HTR4: variants seen among roughly 807,000 people sequenced by gnomAD.
HTR4 encodes 5-hydroxytryptamine (serotonin) receptor 4, G protein-coupled.
In HTR4, 16 loss-of-function variants were observed where a neutral mutation model predicts 36.8. That is an observed-to-expected ratio of 0.43 (90% CI 0.29 to 0.66). The LOEUF is 0.66. Among genes scored for constraint, HTR4 ranks in the 30% least tolerant of loss-of-function variants. The pLI is 0.13. For missense variants in HTR4, 438 were observed against 490.9 expected, an observed-to-expected ratio of 0.89 and a Z score of 1.02; for synonymous variants, 189 against 185.1, an observed-to-expected ratio of 1.02 and a Z score of -0.17.
At chr5:148,617,186 G>C (rs1461550970) in intron 2 of HTR4, among the ~76,000 whole-genome samples, 1 of 152,170 alleles carries the variant, frequency 6.6e-6, no homozygotes, top group East Asian at 1.9e-4. Flanking sequence ...AATAGTGAGT[G>C]ATTTCTCACG....
chr5:148,502,590 C>T (rs964004150), intron 6 of HTR4, among the ~76,000 whole-genome samples: 1 of 152,148 alleles, frequency 6.6e-6, no homozygotes, highest in Non-Finnish European at 1.5e-5. Flanking sequence ...ATCAGAGCAC[C>T]TCTCCCCCTA....
chr5:148,646,432 A>G (rs1322225114), intron 1 of HTR4: 1 of 152,242 alleles, frequency 6.6e-6, no homozygotes, highest in Non-Finnish European at 1.5e-5. Context: ...CATTTCAGAT[A>G]TCATGTGCTA....
chr5:148,608,462 G>C (rs1380603201), intron 2 of HTR4, among the ~76,000 whole-genome samples: 2 of 152,118 alleles, frequency 1.3e-5, no homozygotes, highest in African/African-American at 2.4e-5. Context: ...TCAGTAGCAA[G>C]AGAATGCCAT....
intron 2 of HTR4, among the ~76,000 whole-genome samples, chr5:148,586,629 T>C (rs1387209565): frequency 2.0e-5 from 3 of 152,024 alleles, no homozygotes; most frequent in Non-Finnish European, 4.4e-5. Flanking sequence ...TCCCTCGACA[T>C]GTGGGGGTTA....
intron 2 of HTR4, among the ~76,000 whole-genome samples, chr5:148,636,628 GCAA>G (rs1196971266): frequency 6.6e-6 from 1 of 152,084 alleles, no homozygotes; most frequent in African/African-American, 2.4e-5. Flanking sequence ...GCTATAAAAA[GCAA>G]CGTGAATTTG....
chr5:148,610,500 G>A (rs1181259906), intron 2 of HTR4, among the ~76,000 whole-genome samples: 2 of 151,964 alleles, frequency 1.3e-5, no homozygotes, highest in African/African-American at 4.8e-5. Flanking sequence ...CAAACAGAAA[G>A]GACATCCACA....
chr5:148,460,643 C>T (rs890913700), intron 5 of HTR4, among the ~76,000 whole-genome samples: 8 of 152,058 alleles, frequency 5.3e-5, no homozygotes, highest in African/African-American at 1.9e-4. Flanking sequence ...AAAAAATCTT[C>T]ACAGACATTA....
chr5:148,633,982 C>T (rs915542721), intron 2 of HTR4, among the ~76,000 whole-genome samples: 4 of 152,114 alleles, frequency 2.6e-5, no homozygotes, highest in African/African-American at 7.2e-5. Context: ...GTCAAGGATG[C>T]TGACAGACAC....
chr5:148,520,968 A>C, intron 5 of HTR4: 1 of 1,367,776 alleles, frequency 7.3e-7, no homozygotes, highest in Non-Finnish European at 9.8e-7. Flanking sequence ...CCTTTCCTTG[A>C]AAAAGAACAA....
At chr5:148,518,590 G>A (rs1367244638) in intron 5 of HTR4, among the ~76,000 whole-genome samples, 3 of 151,954 alleles carry the variant, frequency 2.0e-5, no homozygotes, top group African/African-American at 4.8e-5. Context: ...AAAACATAGG[G>A]CAAATAATGT....
At chr5:148,563,936 A>AC (rs1561621953) in intron 2 of HTR4, among the ~76,000 whole-genome samples, 6,097 of 152,088 alleles carry the variant, frequency 0.04, 375 homozygotes, top group African/African-American at 0.14. Flanking sequence ...GACTGACTGA[A>AC]TGAATGAATG....
At chr5:148,611,973 G>T (rs1752452598) in intron 2 of HTR4, among the ~76,000 whole-genome samples, 1 of 152,114 alleles carries the variant, frequency 6.6e-6, no homozygotes. Context: ...AACAAGAAGA[G>T]CTAACTATTC....
intron 1 of HTR4, among the ~76,000 whole-genome samples, chr5:148,648,305 C>A (rs948006326): frequency 1.3e-5 from 2 of 151,888 alleles, no homozygotes; most frequent in Admixed American, 1.3e-4. Context: ...AGATGGGATA[C>A]AATCTGTGAG....
downstream of HTR4, among the ~76,000 whole-genome samples, chr5:148,477,972 T>C (rs1350002054): frequency 6.6e-6 from 1 of 152,210 alleles, no homozygotes; most frequent in Non-Finnish European, 1.5e-5. Context: ...CCCTTGCCCA[T>C]CTCTATTTTT....
At chr5:148,469,944 T>G (rs1755522724) in intron 5 of HTR4, among the ~76,000 whole-genome samples, 1 of 152,226 alleles carries the variant, frequency 6.6e-6, no homozygotes, top group Non-Finnish European at 1.5e-5. Flanking sequence ...AAGCTTCATT[T>G]TCTCATGTAT....
chr5:148,613,004 C>A (rs1228122146), intron 2 of HTR4, among the ~76,000 whole-genome samples: 2 of 144,584 alleles, frequency 1.4e-5, no homozygotes, highest in East Asian at 4.2e-4. Flanking sequence ...TCTGAATAGA[C>A]CAATAACAGG....
chr5:148,581,906 A>G (rs1422479329), intron 2 of HTR4, among the ~76,000 whole-genome samples: 2 of 152,214 alleles, frequency 1.3e-5, no homozygotes, highest in African/African-American at 2.4e-5. Context: ...GATTACATTG[A>G]ATCTGTAAGT....
At chr5:148,504,487 T>C (rs1037119836) in intron 6 of HTR4, among the ~76,000 whole-genome samples, 8 of 152,254 alleles carry the variant, frequency 5.3e-5, no homozygotes, top group African/African-American at 1.9e-4. Flanking sequence ...GGGACACATT[T>C]AAAGCAGTGT....
chr5:148,476,580 G>A (rs1755703395), downstream of HTR4: 1 of 1,457,184 alleles, frequency 6.9e-7, no homozygotes. Flanking sequence ...GGGCAAAGTG[G>A]GCTGGTACAG....
Sources: gnomAD v4.1 joint callset for allele counts (sites outside exome capture counted in the v4.1 genomes callset) on GRCh38, gnomAD v4.1.1 for gene constraint, MANE v1.5 for transcripts, NCBI Gene and HGNC (gene_info 2026-07-23, HGNC 2026-07-21) for gene names.